The following DST variants were observed in gnomAD, a reference collection of about 807,000 sequenced individuals.
The protein encoded by DST is bullous pemphigoid antigen.
A neutral mutation model predicts 875.2 loss-of-function variants in DST; 253 were observed. The observed-to-expected ratio is 0.29, with a 90% CI of 0.26 to 0.32. DST has a LOEUF of 0.32. Ranked by LOEUF, DST falls within the 10% of genes least tolerant of loss-of-function variation. The pLI, the probability that DST is intolerant of heterozygous loss-of-function variation, is 1.00. For missense variants in DST, 8,287 were observed against 9,111.6 expected (o/e 0.91, Z 3.68); for synonymous variants, 3,124 against 3,197.1 (o/e 0.98, Z 0.77).
intron 4 of DST, among the ~76,000 whole-genome samples, chr6:56,783,718 A>C (rs1166640214): frequency 6.6e-6 from 1 of 152,084 alleles, no homozygotes; most frequent in Non-Finnish European, 1.5e-5. Context: ...CATTTAGTCC[A>C]TTTACATTTA....
chr6:56,751,797 A>G (rs1215192259), intron 4 of DST, among the ~76,000 whole-genome samples: 1 of 152,206 alleles, frequency 6.6e-6, no homozygotes, highest in Non-Finnish European at 1.5e-5. Flanking sequence ...AGCCACAGGT[A>G]TGACTCAGGG....
At chr6:56,765,123 G>T (rs1187433200) in intron 4 of DST, among the ~76,000 whole-genome samples, 2 of 152,110 alleles carry the variant, frequency 1.3e-5, no homozygotes, top group East Asian at 3.9e-4. Context: ...TTTCTTATCT[G>T]TAAGACTACT....
In DST at chr6:56,607,830, A is replaced by G; in HGVS notation, c.6798T>C (p.Gly2266=). 6.2e-7 allele frequency: 1 copy of G among 1,613,494 alleles called. No individual in the cohort carries two copies. Residue 2266 remains glycine (G), a synonymous_variant, in exon 40 of 104, where the codon GGT becomes GGC. Transcript: ENST00000680361. ...TAGCTGTACATTCATCCTTTTCTCT[A>G]CCTGAAGCATTATTAAGAAATACAC... is the stretch of plus-strand genomic sequence containing the variant. ...SSGVFLNNAS[G]REKDECTATP...
Position 56,460,247 on chromosome 6 carries a change from G to A in DST, c.23078C>T (p.Pro7693Leu), listed in dbSNP as rs770294227. ...AAGTCGAAGCTTGCTTCCTTGTATTGGCGTTCCCTGTATTTAACCAGCAAC... is the reference window on the plus strand; with the variant it reads ...AAGTCGAAGCTTGCTTCCTTGTATTAGCGTTCCCTGTATTTAACCAGCAAC... Reference protein sequence around the residue: ...DFPVPSAEGTPIQGSKLRLPG... With the variant: ...DFPVPSAEGTLIQGSKLRLPG... Residue 7693 changes from proline (P) to leucine (L), a missense_variant, in exon 103 of 104, where the codon CCA becomes CTA. This residue lies in a region of DST where 240 missense variants were observed against 237.3 expected (regional missense o/e 1.01). Coordinates refer to ENST00000680361, the MANE Select transcript of DST (RefSeq NM_001374736.1). 1 of 1,613,816 alleles carries A rather than the reference G, an allele frequency of 6.2e-7. No homozygotes were observed. The highest frequency in any genetic ancestry group is 1.3e-5 in the African/African-American group (1 of 75,002).
chr6:56,898,863 A>G (rs1792675235), intron 3 of DST, among the ~76,000 whole-genome samples: 1 of 152,252 alleles, frequency 6.6e-6, no homozygotes, highest in Non-Finnish European at 1.5e-5. Flanking sequence ...GTATAACTCT[A>G]GAACAGTACT....
At position 56,788,226 on chromosome 6, in the gene DST, G is replaced by A. The variant is rs185824505; in HGVS notation, c.626-52937C>T. On this transcript the variant is annotated intron_variant, in intron 4 of 103. Transcript: ENST00000680361. ...AGTTCTTCTTTTTTTTTTTTGAGAC[G>A]GAGTCTTGCTCTGTCACTCAGGCTA... 2.1e-3 allele frequency among the ~76,000 whole-genome samples: 312 copies of A among 147,052 alleles called. 1 individual carries two copies. Among genetic ancestry groups the A allele is most frequent in the Non-Finnish European group, 2.0e-3 (132 of 67,112 alleles).
chr6:56,681,806 G>A (rs1006362387), intron 9 of DST, among the ~76,000 whole-genome samples: 1 of 152,078 alleles, frequency 6.6e-6, no homozygotes, highest in Non-Finnish European at 1.5e-5. Context: ...AATTCATTAA[G>A]GAGACCAGGA....
Position 56,465,970 on chromosome 6 carries a change from T to G in DST, c.22687+108A>C, listed in dbSNP as rs914025611. The G allele has an allele frequency of 6.7e-6, 5 of 750,924 alleles. No individual in the cohort carries two copies. In the Admixed American group the frequency reaches 1.1e-4, roughly 17 times the overall value. The allele number at this position is 750,924 out of a possible 1,614,324, so 46.5% of individuals were successfully genotyped here. ...TAGGCTGACAGACCAATGTGAAACA[T>G]TCACTATTGGAATAAATGACCAAAA... On this transcript the variant is annotated intron_variant, in intron 99 of 103. Coordinates refer to ENST00000680361, the MANE Select transcript of DST (RefSeq NM_001374736.1).
rs555447201 is a variant in DST at position 56,633,516 on chromosome 6, G to A, written c.3622-479C>T. Reference sequence around the variant, plus strand: ...GCTGGGATTACAGGTGTGAGCCACCGCGCCCGGCCGAGACGGAGTTTCACT... The same window carrying A: ...GCTGGGATTACAGGTGTGAGCCACCACGCCCGGCCGAGACGGAGTTTCACT... On this transcript the variant is annotated intron_variant, in intron 27 of 103. Transcript: ENST00000680361. 7.6e-4 allele frequency among the ~76,000 whole-genome samples: 115 copies of A among 150,908 alleles called. 1 individual carries two copies. The highest frequency in any genetic ancestry group is 2.6e-3 in the African/African-American group (106 of 40,964).
intron 61 of DST, chr6:56,540,324 C>T (rs1412084798): frequency 6.6e-6 from 1 of 152,618 alleles, no homozygotes; most frequent in Admixed American, 6.5e-5. Context: ...AATATTCCTG[C>T]CTGGGCCCCT....
At chr6:56,600,617 T>C (rs1354524221) in intron 44 of DST, among the ~76,000 whole-genome samples, 2 of 152,102 alleles carry the variant, frequency 1.3e-5, no homozygotes, top group African/African-American at 2.4e-5. Context: ...TATGTGTATA[T>C]AGGTTATCAT....
At chr6:56,926,252 G>A (rs1277362308) in intron 2 of DST, among the ~76,000 whole-genome samples, 1 of 151,990 alleles carries the variant, frequency 6.6e-6, no homozygotes, top group Non-Finnish European at 1.5e-5. Context: ...TTTTTGTTGG[G>A]TCTCATTTAT....
chr6:56,852,274 T>C (rs1765646155), intron 3 of DST, among the ~76,000 whole-genome samples: 1 of 152,248 alleles, frequency 6.6e-6, no homozygotes, highest in South Asian at 2.1e-4. Flanking sequence ...CAGAAGCCTA[T>C]GGCAGCACCA....
intron 5 of DST, among the ~76,000 whole-genome samples, chr6:56,724,170 T>C (rs2099434645): frequency 6.6e-6 from 1 of 152,194 alleles, no homozygotes; most frequent in Non-Finnish European, 1.5e-5. Context: ...TTTTTTAAGT[T>C]AACATAAAAT....
chr6:56,935,796 G>A (rs1812719929), intron 2 of DST, among the ~76,000 whole-genome samples: 1 of 151,982 alleles, frequency 6.6e-6, no homozygotes, highest in African/African-American at 2.4e-5. Context: ...ATGGTGGTGC[G>A]TGCCTGTAGT....
chr6:56,507,218 T>A (rs1328852216), intron 75 of DST, among the ~76,000 whole-genome samples: 1 of 152,204 alleles, frequency 6.6e-6, no homozygotes, highest in African/African-American at 2.4e-5. Context: ...ACATTTTATG[T>A]CATTACCCTA....
chr6:56,476,239 C>T lies in DST; in HGVS notation c.21774G>A (p.Leu7258=). ...QELLEALLAW[L]QWAETTLTDK... ...CAGTAAGTGTAGTTTCAGCCCATTG[C>T]AACCAAGCCAGCAAAGCTTCCAACA... Residue 7258 remains leucine, a synonymous_variant, in exon 92 of 104, where the codon TTG becomes TTA. Transcript: ENST00000680361. 1.2e-6 allele frequency: 2 copies of T among 1,611,448 alleles called. No homozygotes were observed. The highest frequency in any genetic ancestry group is 1.7e-6 in the Non-Finnish European group (2 of 1,178,762).
chr6:56,642,855 A>G (rs2098920015), intron 15 of DST: 1 of 1,607,656 alleles, frequency 6.2e-7, no homozygotes, highest in Admixed American at 1.7e-5. Context: ...GAGGTCTGGA[A>G]AAAGCTCTAC....
chr6:56,922,081 T>C (rs1197919543), intron 2 of DST, among the ~76,000 whole-genome samples: 2 of 152,142 alleles, frequency 1.3e-5, no homozygotes, highest in Non-Finnish European at 2.9e-5. Context: ...TAAGTTCCTA[T>C]TCCCATTGAC....
Sources: gnomAD v4.1 joint callset for allele counts (sites outside exome capture counted in the v4.1 genomes callset) on GRCh38, gnomAD v4.1.1 for gene constraint, gnomAD v4.1.1 regional missense constraint, MANE v1.5 for transcripts, NCBI Gene and HGNC (gene_info 2026-07-23, HGNC 2026-07-21) for gene names.